RSRC1: variants seen among roughly 807,000 people sequenced by gnomAD.
The protein encoded by RSRC1 is serine/Arginine-related protein 53.
A neutral mutation model predicts 49.1 loss-of-function variants in RSRC1; 39 were observed. That is an observed-to-expected ratio of 0.79 (90% CI 0.61 to 1.04). The LOEUF is 1.04. RSRC1 is among the 50% of genes least tolerant of loss of function. The pLI is 0.00. For missense variants in RSRC1, 388 were observed against 402.4 expected, an observed-to-expected ratio of 0.96 and a Z score of 0.31; for synonymous variants, 143 against 130.8, an observed-to-expected ratio of 1.09 and a Z score of -0.63.
At chr3:158,491,843 G>A (rs1360919115) in intron 7 of RSRC1, among the ~76,000 whole-genome samples, 2 of 152,062 alleles carry the variant, frequency 1.3e-5, no homozygotes, top group Non-Finnish European at 2.9e-5. Flanking sequence ...TTATCCAGAG[G>A]TTTTGCCTTT....
intron 3 of RSRC1, among the ~76,000 whole-genome samples, chr3:158,194,102 C>G (rs75661102): frequency 0.08 from 11,420 of 143,084 alleles, 546 homozygotes; most frequent in South Asian, 0.14. Flanking sequence ...CACACACACA[C>G]AGAAAAGAAA....
chr3:158,505,361 G>C (rs1739804479), intron 7 of RSRC1, among the ~76,000 whole-genome samples: 1 of 152,090 alleles, frequency 6.6e-6, no homozygotes, highest in South Asian at 2.1e-4. Context: ...CTAACTCTTA[G>C]GCCAGCTTTC....
intron 4 of RSRC1, among the ~76,000 whole-genome samples, chr3:158,254,829 C>G (rs1161306322): frequency 2.0e-5 from 3 of 152,102 alleles, no homozygotes; most frequent in Non-Finnish European, 2.9e-5. Flanking sequence ...TGATGGTGAG[C>G]ATTTTTTCAT....
intron 3 of RSRC1, among the ~76,000 whole-genome samples, chr3:158,196,739 T>C (rs1720645102): frequency 6.6e-6 from 1 of 152,158 alleles, no homozygotes; most frequent in Non-Finnish European, 1.5e-5. Flanking sequence ...GAAGGCCTTT[T>C]CTGTGTGTAT....
At chr3:158,326,950 AGT>A (rs1297408980) in intron 5 of RSRC1, among the ~76,000 whole-genome samples, 2 of 152,160 alleles carry the variant, frequency 1.3e-5, no homozygotes, top group Non-Finnish European at 2.9e-5. Flanking sequence ...TTACTGGTTT[AGT>A]CTTGGGAGGG....
At chr3:158,440,881 G>T (rs557007529) in intron 6 of RSRC1, among the ~76,000 whole-genome samples, 27 of 152,152 alleles carry the variant, frequency 1.8e-4, no homozygotes, top group Non-Finnish European at 2.9e-4. Flanking sequence ...GGCAGAGCTT[G>T]CAGAGACCCG....
chr3:158,194,492 T>A (rs891687639), intron 3 of RSRC1, among the ~76,000 whole-genome samples: 11 of 53,688 alleles, frequency 2.0e-4, no homozygotes, highest in African/African-American at 5.4e-4. Flanking sequence ...TTTGAGATTC[T>A]TTTTTTTTTT....
At chr3:158,260,866 C>A (rs907717538) in intron 4 of RSRC1, among the ~76,000 whole-genome samples, 1 of 152,120 alleles carries the variant, frequency 6.6e-6, no homozygotes, top group African/African-American at 2.4e-5. Flanking sequence ...AACATAAAGT[C>A]CCACAATCAC....
rs1185844347 is a variant in RSRC1 at position 158,349,691 on chromosome 3, C to T, written c.532-5166C>T. The stretch of plus-strand genomic sequence containing the variant: ...AAAAGTTTACATTATTCTTACTGCC[C>T]TTTTTTTTTTTTTTTTTTTTTTTTG... On this transcript the variant is annotated intron_variant, in intron 5 of 9. Transcript: ENST00000611884. Among the ~76,000 whole-genome samples the T allele has an allele frequency of 2.9e-4, 22 of 74,846 alleles. No homozygotes were observed. The East Asian group carries it at 7.6e-3, about 26-fold the overall frequency. The allele number at this position is 74,846 out of a possible 152,430, so 49.1% of individuals were successfully genotyped here. A position where few individuals can be genotyped will look rare whatever the true frequency, so the allele number is the denominator to read the frequency against.
chr3:158,338,026 A>C (rs1578357648), intron 5 of RSRC1, among the ~76,000 whole-genome samples: 1 of 152,244 alleles, frequency 6.6e-6, no homozygotes, highest in African/African-American at 2.4e-5. Context: ...ATAGTATACA[A>C]GCAGCATCAC....
At chr3:158,145,446 AT>A (rs1257597886) in intron 3 of RSRC1, among the ~76,000 whole-genome samples, 3 of 152,066 alleles carry the variant, frequency 2.0e-5, no homozygotes, top group Non-Finnish European at 4.4e-5. Context: ...AGTTGTAGAT[AT>A]GTGGTATTAT....
chr3:158,122,449 A>T (rs771858753), intron 2 of RSRC1, 151 bp downstream of exon 2: 12 of 540,162 alleles, frequency 2.2e-5, no homozygotes, highest in Non-Finnish European at 3.7e-5. Context: ...TTGTTCCACC[A>T]GGTCCAGTCC....
intron 7 of RSRC1, among the ~76,000 whole-genome samples, chr3:158,461,363 G>C (rs1408425641): frequency 6.6e-6 from 1 of 151,808 alleles, no homozygotes; most frequent in Non-Finnish European, 1.5e-5. Flanking sequence ...ATGAAGAAAA[G>C]TCCTCTTGCC....
At chr3:158,138,590 A>G (rs1716548598) in intron 3 of RSRC1, among the ~76,000 whole-genome samples, 1 of 152,206 alleles carries the variant, frequency 6.6e-6, no homozygotes, top group Non-Finnish European at 1.5e-5. Flanking sequence ...GAATGTGGCA[A>G]ACACTTAAAT....
At chr3:158,242,514 C>T (rs1281352460) in intron 4 of RSRC1, among the ~76,000 whole-genome samples, 5 of 152,084 alleles carry the variant, frequency 3.3e-5, no homozygotes, top group African/African-American at 9.7e-5. Flanking sequence ...AATGAACACA[C>T]GTGTGCATGT....
chr3:158,421,455 G>A (rs1434758289), intron 6 of RSRC1, among the ~76,000 whole-genome samples: 3 of 151,862 alleles, frequency 2.0e-5, no homozygotes, highest in African/African-American at 7.2e-5. Flanking sequence ...ACTAATTTTA[G>A]GAAGGCTAGT....
At chr3:158,358,894 GTA>G (rs1367693279) in intron 6 of RSRC1, among the ~76,000 whole-genome samples, 1 of 139,398 alleles carries the variant, frequency 7.2e-6, no homozygotes, top group African/African-American at 2.8e-5. Context: ...GTATGTGTGT[GTA>G]TGTGTGTATA....
chr3:158,175,983 T>A (rs986801687), intron 3 of RSRC1, among the ~76,000 whole-genome samples: 1 of 151,852 alleles, frequency 6.6e-6, no homozygotes, highest in African/African-American at 2.4e-5. Flanking sequence ...GATCAGGTCA[T>A]TTAAGCTCTT....
At chr3:158,335,766 T>C (rs1729848370) in intron 5 of RSRC1, among the ~76,000 whole-genome samples, 1 of 152,208 alleles carries the variant, frequency 6.6e-6, no homozygotes, top group East Asian at 1.9e-4. Flanking sequence ...GAGCCATAGG[T>C]AATTTGTAAA....
Sources: gnomAD v4.1 joint callset for allele counts (sites outside exome capture counted in the v4.1 genomes callset) on GRCh38, gnomAD v4.1.1 for gene constraint, MANE v1.5 for transcripts, NCBI Gene and HGNC (gene_info 2026-07-23, HGNC 2026-07-21) for gene names.